NVL: variants seen among roughly 807,000 people sequenced by gnomAD.
NVL encodes the protein nuclear VCP like.
Under a neutral mutation model 110.2 loss-of-function variants are expected in NVL, and 84 were observed. The ratio of observed to expected loss-of-function variants is 0.76; its 90% CI spans 0.64 to 0.91. The LOEUF is 0.91. Ranked by LOEUF, NVL falls within the 40% of genes least tolerant of loss-of-function variation. The pLI, the probability that NVL is intolerant of heterozygous loss-of-function variation, is 0.00. For synonymous variants in NVL, 354 were observed against 361.1 expected, an observed-to-expected ratio of 0.98 and a Z score of 0.22; for missense variants, 882 against 1,035.9, an observed-to-expected ratio of 0.85 and a Z score of 2.04.
intron 18 of NVL, among the ~76,000 whole-genome samples, chr1:224,255,189 T>G (rs1389661712): frequency 7.4e-6 from 1 of 134,312 alleles, no homozygotes; most frequent in Non-Finnish European, 1.6e-5. Context: ...TAGGTTTTTT[T>G]TTTTTTTTTT....
chr1:224,270,919 T>A (rs1220994129), intron 17 of NVL, among the ~76,000 whole-genome samples: 3 of 152,148 alleles, frequency 2.0e-5, no homozygotes, highest in Non-Finnish European at 4.4e-5. Context: ...TAACTGACAG[T>A]TTTTGTGAAG....
intron 18 of NVL, among the ~76,000 whole-genome samples, chr1:224,258,439 A>T (rs1180056952): frequency 2.0e-5 from 3 of 152,236 alleles, no homozygotes; most frequent in East Asian, 3.8e-4. Context: ...TGTCAAAATT[A>T]CTAGTGGGAA....
At chr1:224,244,020 T>C (rs576957167) in intron 19 of NVL, among the ~76,000 whole-genome samples, 1 of 152,106 alleles carries the variant, frequency 6.6e-6, no homozygotes, top group South Asian at 2.1e-4. Context: ...AAATAATGTT[T>C]CTGGTTTTCT....
chr1:224,242,605 C>G (rs888010944), intron 19 of NVL, among the ~76,000 whole-genome samples: 1 of 143,216 alleles, frequency 7.0e-6, no homozygotes, highest in Non-Finnish European at 1.5e-5. Flanking sequence ...GTAGCTGGGA[C>G]TACAGGTGCA....
chr1:224,261,943 A>G (rs954051637), intron 18 of NVL, among the ~76,000 whole-genome samples: 2 of 152,200 alleles, frequency 1.3e-5, no homozygotes, highest in Non-Finnish European at 2.9e-5. Context: ...CCTAGGCTAT[A>G]GAGTGAGACC....
At chr1:224,242,435 T>C (rs1282391287) in intron 19 of NVL, among the ~76,000 whole-genome samples, 1 of 152,082 alleles carries the variant, frequency 6.6e-6, no homozygotes, top group Non-Finnish European at 1.5e-5. Context: ...ATTCAAGATG[T>C]GCTACTACTT....
At chr1:224,324,922 C>T (rs1572080506) in intron 2 of NVL, among the ~76,000 whole-genome samples, 1 of 152,098 alleles carries the variant, frequency 6.6e-6, no homozygotes, top group South Asian at 2.1e-4. Flanking sequence ...ACCCCCAGTA[C>T]CTCTGAATAT....
At chr1:224,292,866 T>G (rs1369837251) in intron 12 of NVL, among the ~76,000 whole-genome samples, 1 of 151,632 alleles carries the variant, frequency 6.6e-6, no homozygotes, top group African/African-American at 2.4e-5. Context: ...TTCCCCTACC[T>G]CAGTTTCCTA....
chr1:224,248,395 T>C (rs1662097137), intron 19 of NVL, among the ~76,000 whole-genome samples: 1 of 152,188 alleles, frequency 6.6e-6, no homozygotes, highest in South Asian at 2.1e-4. Flanking sequence ...TTTACTGGCT[T>C]CCAAGCTATT....
At chr1:224,263,330 A>G (rs1664167680) in intron 18 of NVL, among the ~76,000 whole-genome samples, 1 of 152,212 alleles carries the variant, frequency 6.6e-6, no homozygotes, top group Admixed American at 6.5e-5. Context: ...GAGGTTTACA[A>G]TGGTAAAGCA....
At chr1:224,236,616 G>A in intron 19 of NVL, 34 bp from the exon 20 acceptor site, 1 of 1,556,896 alleles carries the variant, frequency 6.4e-7, no homozygotes, top group Non-Finnish European at 8.9e-7. Context: ...TTTCATTGGA[G>A]CTTTAAAGAC....
At chr1:224,305,493 AAAAG>A (rs1205744584) in intron 6 of NVL, 3 of 189,336 alleles carry the variant, frequency 1.6e-5, no homozygotes, top group East Asian at 1.3e-4. Flanking sequence ...GAAAAAAAAA[AAAAG>A]AAAAAAGAAA....
chr1:224,265,515 A>G (rs1664413191), intron 18 of NVL, among the ~76,000 whole-genome samples: 1 of 152,140 alleles, frequency 6.6e-6, no homozygotes, highest in Non-Finnish European at 1.5e-5. Context: ...AAATAAATAA[A>G]TAAATAATAA....
At chr1:224,232,720 A>C (rs1016412943) in intron 21 of NVL, among the ~76,000 whole-genome samples, 1 of 152,204 alleles carries the variant, frequency 6.6e-6, no homozygotes, top group East Asian at 1.9e-4. Context: ...TCAAATGTGA[A>C]GGATGGTGCA....
chr1:224,310,338 G>A (rs1171543559), intron 5 of NVL, among the ~76,000 whole-genome samples: 2 of 152,100 alleles, frequency 1.3e-5, no homozygotes, highest in Non-Finnish European at 1.5e-5. Context: ...AGGGACTTGA[G>A]CATTTGCAGG....
intron 19 of NVL, among the ~76,000 whole-genome samples, chr1:224,240,222 C>A (rs1437521858): frequency 6.6e-6 from 1 of 152,104 alleles, no homozygotes. Flanking sequence ...TGCCCGCCAC[C>A]ACGCCTGGCT....
At chr1:224,312,203 A>T (rs1375593394) in intron 4 of NVL, 1 of 167,354 alleles carries the variant, frequency 6.0e-6, no homozygotes, top group Non-Finnish European at 1.3e-5. Context: ...AATAAAAGTG[A>T]GATACAAATT....
chr1:224,330,133 C>A lies in NVL; in HGVS notation c.-6G>T. ...CCTGCAGGTCTGGGCTTCATCGCGTCGGTCTTCCAAGCCACAGCTCGGACC... is the reference window on the plus strand; with the variant it reads ...CCTGCAGGTCTGGGCTTCATCGCGTAGGTCTTCCAAGCCACAGCTCGGACC... On this transcript the variant is annotated 5_prime_UTR_variant, in exon 1 of 23. Coordinates refer to ENST00000281701, the MANE Select transcript of NVL (RefSeq NM_002533.4). 6.2e-7 allele frequency: 1 copy of A among 1,613,920 alleles called. No homozygotes were observed. The highest frequency in any genetic ancestry group is 8.5e-7 in the Non-Finnish European group (1 of 1,179,884).
chr1:224,326,596 T>A, intron 1 of NVL, 132 bp from the exon 2 acceptor site: 1 of 559,890 alleles, frequency 1.8e-6, no homozygotes, highest in Non-Finnish European at 3.1e-6. Context: ...ACCAGAAACA[T>A]AAATAAAAGT....
Sources: allele counts gnomAD v4.1 joint callset (sites outside exome capture counted in the v4.1 genomes callset), GRCh38; gene constraint gnomAD v4.1.1; transcripts MANE v1.5; gene names NCBI Gene and HGNC (gene_info 2026-07-23, HGNC 2026-07-21).